Variants in MARCHF11 observed in about 807,000 individuals in gnomAD.
The protein encoded by MARCHF11 is E3 ubiquitin-protein ligase MARCHF11.
Under a neutral mutation model 37.3 loss-of-function variants are expected in MARCHF11, and 29 were observed. The ratio of observed to expected loss-of-function variants is 0.78; its 90% CI spans 0.58 to 1.06. The LOEUF (loss-of-function observed/expected upper bound fraction) is 1.06, where lower values mean the gene tolerates loss of function less well. MARCHF11 is among the 50% of genes least tolerant of loss of function. The pLI, the probability that MARCHF11 is intolerant of heterozygous loss-of-function variation, is 0.00. For missense variants in MARCHF11, 482 were observed against 533.4 expected (o/e 0.90, Z 0.95); for synonymous variants, 233 against 228.0 (o/e 1.02, Z -0.20).
chr5:16,098,699 C>T (rs1346733755), intron 2 of MARCHF11, among the ~76,000 whole-genome samples: 1 of 150,678 alleles, frequency 6.6e-6, no homozygotes, highest in African/African-American at 2.4e-5. Flanking sequence ...ACCCAGGAGG[C>T]AGAGGTTGCA....
intron 2 of MARCHF11, among the ~76,000 whole-genome samples, chr5:16,127,428 A>C (rs1474331234): frequency 6.6e-6 from 1 of 152,090 alleles, no homozygotes; most frequent in Non-Finnish European, 1.5e-5. Flanking sequence ...GAAGACCTTG[A>C]CTCATACGGA....
chr5:16,150,760 T>A (rs1317935849), intron 2 of MARCHF11, among the ~76,000 whole-genome samples: 1 of 152,080 alleles, frequency 6.6e-6, no homozygotes, highest in Non-Finnish European at 1.5e-5. Context: ...TGGGCACATC[T>A]TTCATGGTGC....
intron 2 of MARCHF11, among the ~76,000 whole-genome samples, chr5:16,131,339 T>C (rs1285390633): frequency 6.6e-6 from 1 of 152,206 alleles, no homozygotes; most frequent in African/African-American, 2.4e-5. Flanking sequence ...CCTAATAAAC[T>C]AGTTTGTTAT....
intron 2 of MARCHF11, among the ~76,000 whole-genome samples, chr5:16,156,489 T>C (rs954592840): frequency 2.0e-5 from 3 of 151,948 alleles, no homozygotes; most frequent in African/African-American, 4.8e-5. Context: ...AGTGAGGAAC[T>C]ACTAGGAAAT....
chr5:16,128,926 A>T (rs1265115207), intron 2 of MARCHF11, among the ~76,000 whole-genome samples: 1 of 152,242 alleles, frequency 6.6e-6, no homozygotes, highest in Non-Finnish European at 1.5e-5. Flanking sequence ...TAAGCCTTAG[A>T]CATTTACTTA....
chr5:16,130,982 A>G (rs1484342966), intron 2 of MARCHF11, among the ~76,000 whole-genome samples: 1 of 150,868 alleles, frequency 6.6e-6, no homozygotes, highest in East Asian at 1.9e-4. Context: ...AGTTGATAAG[A>G]TAATGTTGAA....
At chr5:16,101,349 C>G (rs1736954557) in intron 2 of MARCHF11, among the ~76,000 whole-genome samples, 1 of 152,080 alleles carries the variant, frequency 6.6e-6, no homozygotes, top group East Asian at 1.9e-4. Context: ...GCACTCCAGC[C>G]TGGGCAACAG....
rs1298370262 is a variant in MARCHF11 at position 16,179,749 on chromosome 5, G to A, written c.-174C>T. The stretch of plus-strand genomic sequence containing the variant: ...ATGCGGAAGGTTCTGCAGCTGCGGC[G>A]GCGGCAGGCGCGGCCGTTCGGTGGA... On this transcript the variant is annotated 5_prime_UTR_variant, in exon 1 of 4. Transcript: ENST00000332432. 2 of 331,694 alleles carry A rather than the reference G, an allele frequency of 6.0e-6. No individual in the cohort carries two copies. The highest frequency in any genetic ancestry group is 9.8e-6 in the Non-Finnish European group (2 of 204,188). 20.5% of individuals were successfully genotyped at this position (331,694 alleles called of 1,614,324 possible).
chr5:16,166,871 A>G (rs1023102327), intron 2 of MARCHF11, among the ~76,000 whole-genome samples: 9 of 141,196 alleles, frequency 6.4e-5, no homozygotes, highest in Non-Finnish European at 1.2e-4. Flanking sequence ...AGGTTTCACC[A>G]GAGAAACAAA....
At chr5:16,130,764 CACT>C (rs1737503324) in intron 2 of MARCHF11, among the ~76,000 whole-genome samples, 1 of 152,122 alleles carries the variant, frequency 6.6e-6, no homozygotes, top group South Asian at 2.1e-4. Flanking sequence ...TTAATCTTAG[CACT>C]ACTGCCAGGG....
chr5:16,148,215 AC>A (rs1282499523), intron 2 of MARCHF11, among the ~76,000 whole-genome samples: 2 of 152,168 alleles, frequency 1.3e-5, no homozygotes, highest in African/African-American at 4.8e-5. Flanking sequence ...GCATGAATTT[AC>A]TTTATGTTAA....
intron 2 of MARCHF11, chr5:16,129,104 C>A (rs1163046914): frequency 6.6e-6 from 1 of 152,200 alleles, no homozygotes; most frequent in Non-Finnish European, 1.5e-5. Context: ...CTAATTTTAA[C>A]AGCATCGTTC....
intron 2 of MARCHF11, among the ~76,000 whole-genome samples, chr5:16,129,589 T>C (rs1175115999): frequency 1.3e-5 from 2 of 152,180 alleles, no homozygotes; most frequent in East Asian, 1.9e-4. Flanking sequence ...TATATTCTTA[T>C]TATGCCTTAA....
intron 2 of MARCHF11, among the ~76,000 whole-genome samples, chr5:16,169,278 G>A (rs1258871912): frequency 2.0e-5 from 3 of 151,828 alleles, no homozygotes; most frequent in Non-Finnish European, 4.4e-5. Context: ...CCTCACCCCC[G>A]ACACCCCATG....
chr5:16,093,260 A>G (rs1008407625), intron 2 of MARCHF11, among the ~76,000 whole-genome samples: 2 of 152,184 alleles, frequency 1.3e-5, no homozygotes, highest in African/African-American at 2.4e-5. Flanking sequence ...AAGAGACTTT[A>G]CTGATATCTA....
intron 3 of MARCHF11, among the ~76,000 whole-genome samples, chr5:16,070,806 G>A (rs74938188): frequency 3.2e-4 from 49 of 152,288 alleles, no homozygotes; most frequent in African/African-American, 8.7e-4. Flanking sequence ...TTTAATTGCC[G>A]TAGGTTATGA....
At chr5:16,074,981 C>T (rs79939164) in intron 3 of MARCHF11, among the ~76,000 whole-genome samples, 4,135 of 152,316 alleles carry the variant, frequency 0.027, 174 homozygotes, top group African/African-American at 0.094. Flanking sequence ...CACATCTGTG[C>T]TGGATCTCCA....
chr5:16,069,758 C>T (rs900220182), intron 3 of MARCHF11, among the ~76,000 whole-genome samples: 3 of 152,012 alleles, frequency 2.0e-5, no homozygotes, highest in Non-Finnish European at 4.4e-5. Context: ...AGTAACCTTC[C>T]CATAGGTACA....
chr5:16,096,285 AAT>A (rs1458426489), intron 2 of MARCHF11, among the ~76,000 whole-genome samples: 1 of 152,224 alleles, frequency 6.6e-6, no homozygotes, highest in Non-Finnish European at 1.5e-5. Flanking sequence ...GGCATCTCCA[AAT>A]ATTTCTTGAA....
Sources: allele counts gnomAD v4.1 joint callset (sites outside exome capture counted in the v4.1 genomes callset), GRCh38; gene constraint gnomAD v4.1.1; transcripts MANE v1.5; gene names NCBI Gene and HGNC (gene_info 2026-07-23, HGNC 2026-07-21).